Variants in DPF3 observed in about 807,000 individuals in gnomAD.
DPF3 encodes zinc finger protein DPF3.
A neutral mutation model predicts 56.8 loss-of-function variants in DPF3; 18 were observed. That is an observed-to-expected ratio of 0.32 (90% confidence interval 0.22 to 0.47). The LOEUF is 0.47. Ranked by LOEUF, DPF3 falls within the 20% of genes least tolerant of loss-of-function variation. The pLI, the probability that DPF3 is intolerant of heterozygous loss-of-function variation, is 1.00. For synonymous variants in DPF3, 188 were observed against 180.2 expected (o/e 1.04, Z -0.35); for missense variants, 403 against 488.8 (o/e 0.82, Z 1.65).
intron 1 of DPF3, among the ~76,000 whole-genome samples, chr14:72,869,147 G>A (rs1394658518): frequency 1.3e-5 from 2 of 152,178 alleles, no homozygotes; most frequent in African/African-American, 4.8e-5. Context: ...CCTCTGCTGG[G>A]ATCAAATGTT....
At chr14:72,689,200 A>G (rs1033525519) in intron 7 of DPF3, among the ~76,000 whole-genome samples, 1 of 152,110 alleles carries the variant, frequency 6.6e-6, no homozygotes. Flanking sequence ...GCTGAAGACA[A>G]AGCTGGGGGG....
At chr14:72,811,933 A>G (rs1883064021) in intron 1 of DPF3, among the ~76,000 whole-genome samples, 1 of 152,028 alleles carries the variant, frequency 6.6e-6, no homozygotes, top group Admixed American at 6.6e-5. Flanking sequence ...GCTGCAGTAA[A>G]GTCTTGAGTC....
At chr14:72,732,179 G>C (rs1228207051) in intron 3 of DPF3, among the ~76,000 whole-genome samples, 1 of 152,152 alleles carries the variant, frequency 6.6e-6, no homozygotes, top group Non-Finnish European at 1.5e-5. Flanking sequence ...GAAAGGGTGC[G>C]GGGTAGATGT....
intron 5 of DPF3, among the ~76,000 whole-genome samples, chr14:72,716,701 T>C (rs1027240528): frequency 6.6e-5 from 10 of 152,208 alleles, no homozygotes; most frequent in Non-Finnish European, 1.2e-4. Flanking sequence ...AAGAAGCACT[T>C]AATAAACATT....
chr14:72,708,434 C>T (rs1277497240), intron 6 of DPF3, among the ~76,000 whole-genome samples: 1 of 152,190 alleles, frequency 6.6e-6, no homozygotes, highest in East Asian at 1.9e-4. Context: ...CCCGATCCTA[C>T]CCCCATCCAA....
At chr14:72,892,030 G>T in intron 1 of DPF3, 1 of 1,274,722 alleles carries the variant, frequency 7.8e-7, no homozygotes, top group Non-Finnish European at 1.0e-6. Flanking sequence ...GCACCCTACT[G>T]TGATCCAAAA....
At chr14:72,709,342 C>T (rs369988170) in intron 6 of DPF3, among the ~76,000 whole-genome samples, 1 of 152,180 alleles carries the variant, frequency 6.6e-6, no homozygotes, top group East Asian at 1.9e-4. Flanking sequence ...TTAGCCATGT[C>T]TATTTGCCTT....
intron 7 of DPF3, among the ~76,000 whole-genome samples, chr14:72,678,918 AAC>A (rs1341811002): frequency 3.3e-5 from 5 of 152,226 alleles, no homozygotes; most frequent in Admixed American, 3.3e-4. Context: ...GGAAATCAGG[AAC>A]AAAGTTCATG....
chr14:72,863,537 T>C (rs991716857), intron 1 of DPF3, among the ~76,000 whole-genome samples: 11 of 148,968 alleles, frequency 7.4e-5, no homozygotes, highest in African/African-American at 1.0e-4. Flanking sequence ...CTTGCTTTCA[T>C]TGGGAAATGT....
chr14:72,697,534 T>C (rs1007092593), intron 6 of DPF3, among the ~76,000 whole-genome samples: 5 of 152,020 alleles, frequency 3.3e-5, no homozygotes, highest in African/African-American at 1.2e-4. Flanking sequence ...TCTAACAAAG[T>C]TGAAGAGGTG....
chr14:72,626,978 T>C (rs536642981), intron 9 of DPF3, among the ~76,000 whole-genome samples: 1 of 152,052 alleles, frequency 6.6e-6, no homozygotes, highest in South Asian at 2.1e-4. Flanking sequence ...TTGTGGGTTG[T>C]CTTTCATGTA....
chr14:72,877,669 G>A (rs1471691144), intron 1 of DPF3, among the ~76,000 whole-genome samples: 1 of 152,136 alleles, frequency 6.6e-6, no homozygotes, highest in Non-Finnish European at 1.5e-5. Flanking sequence ...CACTCGCTGG[G>A]ATCTTCAGCC....
In DPF3 at chr14:72,731,844, A is replaced by G; in HGVS notation, c.392T>C (p.Val131Ala). The G allele has an allele frequency of 1.2e-6, 2 of 1,613,306 alleles. No homozygotes were observed. The highest frequency in any genetic ancestry group is 1.7e-6 in the Non-Finnish European group (2 of 1,179,704). Residue 131 changes from valine to alanine, a missense_variant, in exon 4 of 11, where the codon GTG (valine) becomes GCG (alanine). Around this residue, in one of 2 missense-constraint regions of DPF3, gnomAD observed 340 missense variants for 374.3 expected, o/e 0.91. Transcript: ENST00000556509. Reference sequence around the variant, plus strand: ...GATGCTTTCCTCCTCCCTGGCATCCACCTTCTTCTCAACCCCCTCGCCACG... The same window carrying G: ...GATGCTTTCCTCCTCCCTGGCATCCGCCTTCTTCTCAACCCCCTCGCCACG... ...LLRGEGVEKK[V>A]DAREEESIQE...
chr14:72,863,179 T>A (rs929181821), intron 1 of DPF3, among the ~76,000 whole-genome samples: 8 of 147,690 alleles, frequency 5.4e-5, no homozygotes, highest in African/African-American at 1.8e-4. Flanking sequence ...TGTGTGTGTG[T>A]ATCCCCAGGC....
In DPF3 at chr14:72,771,768, C is replaced by T; in HGVS notation, c.158G>A (p.Cys53Tyr). ...DSQTGVAQNN[C>Y]YIWMEKRHRG... ...GTGCCTCTTCTCCATCCAGATGTAGCAGTTGTTCTGGGCCACCCCAGTCTG... is the reference window on the plus strand; with the variant it reads ...GTGCCTCTTCTCCATCCAGATGTAGTAGTTGTTCTGGGCCACCCCAGTCTG... Residue 53 changes from cysteine to tyrosine, a missense_variant, in exon 2 of 11, where the codon TGC (cysteine) becomes TAC (tyrosine). Physicochemically the swap from Cys to Tyr is radical, Grantham distance 194. This residue lies in a region of DPF3 where 340 missense variants were observed against 374.3 expected (regional missense o/e 0.91). Coordinates refer to ENST00000556509, the MANE Select transcript of DPF3 (RefSeq NM_001280542.3). 6.2e-7 allele frequency: 1 copy of T among 1,613,502 alleles called. No individual in the cohort carries two copies. The highest frequency in any genetic ancestry group is 1.3e-5 in the African/African-American group (1 of 74,980).
chr14:72,807,419 T>A (rs34320491), intron 1 of DPF3, among the ~76,000 whole-genome samples: 30,220 of 152,082 alleles, frequency 0.2, 3,290 homozygotes, highest in Middle Eastern at 0.39. Context: ...TATTGACAGG[T>A]TAAAGGCCTG....
chr14:72,653,788 G>A (rs183446190), intron 8 of DPF3, among the ~76,000 whole-genome samples: 9 of 152,244 alleles, frequency 5.9e-5, no homozygotes, highest in Admixed American at 4.6e-4. Context: ...TAGTGTCATC[G>A]CAGTTTCTCT....
chr14:72,760,099 G>A (rs1891005003), intron 2 of DPF3, among the ~76,000 whole-genome samples: 1 of 152,140 alleles, frequency 6.6e-6, no homozygotes, highest in Non-Finnish European at 1.5e-5. Context: ...CATCAGAAAT[G>A]GTCTAGTACA....
chr14:72,697,902 C>G (rs1307667690), intron 6 of DPF3, among the ~76,000 whole-genome samples: 4 of 152,294 alleles, frequency 2.6e-5, no homozygotes, highest in African/African-American at 9.6e-5. Flanking sequence ...ACCCACCTCT[C>G]CAGCCTCTTC....
Sources: gnomAD v4.1 joint callset for allele counts (sites outside exome capture counted in the v4.1 genomes callset) on GRCh38, gnomAD v4.1.1 for gene constraint, gnomAD v4.1.1 regional missense constraint, MANE v1.5 for transcripts, NCBI Gene and HGNC (gene_info 2026-07-23, HGNC 2026-07-21) for gene names.